Variants in NRG3 observed in about 807,000 individuals in gnomAD.
NRG3 encodes the protein pro-neuregulin-3, membrane-bound isoform.
NRG3 carries 31 observed loss-of-function variants against 66.9 expected under a neutral mutation model. The ratio of observed to expected loss-of-function variants is 0.46; its 90% CI spans 0.35 to 0.63. The LOEUF (loss-of-function observed/expected upper bound fraction) is 0.63. Ranked by LOEUF, NRG3 falls within the 20% of genes least tolerant of loss-of-function variation. The pLI, the probability that NRG3 is intolerant of heterozygous loss-of-function variation, is 0.00. For synonymous variants in NRG3, 393 were observed against 359.4 expected (o/e 1.09, Z -1.06); for missense variants, 910 against 878.9 (o/e 1.04, Z -0.45).
chr10:82,582,838 C>T (rs1179677312), intron 2 of NRG3, among the ~76,000 whole-genome samples: 1 of 152,094 alleles, frequency 6.6e-6, no homozygotes, highest in East Asian at 1.9e-4. Context: ...TTTATTTAAT[C>T]CAAAGTGGAA....
chr10:81,927,830 G>T (rs957200822), intron 1 of NRG3, among the ~76,000 whole-genome samples: 4 of 152,252 alleles, frequency 2.6e-5, no homozygotes, highest in African/African-American at 9.6e-5. Flanking sequence ...GGTCCAGTGT[G>T]CCTCATTATA....
intron 1 of NRG3, chr10:82,229,223 T>G (rs865971870): frequency 2.8e-4 from 43 of 152,194 alleles, no homozygotes; most frequent in African/African-American, 9.9e-4. Context: ...TACCAAGGTA[T>G]TAAAATAATT....
At chr10:81,897,184 T>C (rs1393955184) in intron 1 of NRG3, among the ~76,000 whole-genome samples, 1 of 151,936 alleles carries the variant, frequency 6.6e-6, no homozygotes, top group African/African-American at 2.4e-5. Flanking sequence ...CTGAGCATAA[T>C]AAACATGCTA....
chr10:82,523,790 C>T (rs913217216), intron 2 of NRG3, among the ~76,000 whole-genome samples: 1 of 152,124 alleles, frequency 6.6e-6, no homozygotes, highest in South Asian at 2.1e-4. Flanking sequence ...AAGGACTTCT[C>T]TCACTGAAAG....
intron 1 of NRG3, among the ~76,000 whole-genome samples, chr10:82,078,560 C>T (rs1413498722): frequency 1.3e-5 from 2 of 152,100 alleles, no homozygotes; most frequent in African/African-American, 2.4e-5. Flanking sequence ...CCGTGTTAGC[C>T]AGGATGGTCT....
At chr10:81,975,408 G>C (rs1425584725) in intron 1 of NRG3, among the ~76,000 whole-genome samples, 5 of 151,462 alleles carry the variant, frequency 3.3e-5, no homozygotes, top group African/African-American at 1.2e-4. Flanking sequence ...GGTAATGCAT[G>C]ACATTTATCA....
At position 82,408,046 on chromosome 10, in the gene NRG3, C is replaced by CGAGAGAGA. The variant is rs536927208; in HGVS notation, c.953+49209_953+49216dup. Among the ~76,000 whole-genome samples the CGAGAGAGA allele has an allele frequency of 5.7e-3, 311 of 54,382 alleles. 14 individuals carry two copies. The highest frequency in any genetic ancestry group is 0.014 in the African/African-American group (167 of 11,906). 35.7% of individuals were successfully genotyped at this position (54,382 alleles called of 152,430 possible). ...CCTGTGTGACAGAGCAAGACTACATCGAGAGAGAGAGAGAGAGAGAGAGAG... is the reference window on the plus strand; with the variant it reads ...CCTGTGTGACAGAGCAAGACTACATCGAGAGAGAGAGAGAGAGAGAGAGAGAGAGAGAG... On this transcript the variant is annotated intron_variant, in intron 2 of 8. Coordinates refer to ENST00000372141, the MANE Select transcript of NRG3 (RefSeq NM_001010848.4).
At chr10:82,894,689 T>C (rs1843479672) in intron 4 of NRG3, among the ~76,000 whole-genome samples, 2 of 152,172 alleles carry the variant, frequency 1.3e-5, no homozygotes, top group Admixed American at 1.3e-4. Context: ...ACCCTTACCC[T>C]GAATTGGCAC....
chr10:82,548,042 T>G (rs377451806), intron 2 of NRG3, among the ~76,000 whole-genome samples: 20 of 119,854 alleles, frequency 1.7e-4, no homozygotes, highest in East Asian at 2.5e-4. Flanking sequence ...ATGCCACGTT[T>G]TTTTTTTTTT....
chr10:82,941,757 ATTG>A (rs1289922980), intron 4 of NRG3, among the ~76,000 whole-genome samples: 3 of 152,168 alleles, frequency 2.0e-5, no homozygotes, highest in African/African-American at 4.8e-5. Flanking sequence ...GTTATTGAAT[ATTG>A]TTGTATTATG....
chr10:82,694,502 C>G (rs969836823), intron 2 of NRG3, among the ~76,000 whole-genome samples: 53 of 152,216 alleles, frequency 3.5e-4, no homozygotes, highest in Non-Finnish European at 7.3e-5. Flanking sequence ...CTCCTGTAAT[C>G]CCAGCTCTTT....
At chr10:82,177,731 A>G (rs2073137325) in intron 1 of NRG3, among the ~76,000 whole-genome samples, 1 of 152,156 alleles carries the variant, frequency 6.6e-6, no homozygotes, top group Admixed American at 6.6e-5. Flanking sequence ...GCGCCACCAC[A>G]TCCAGCTAAT....
chr10:82,096,908 C>G (rs1564558099), intron 1 of NRG3, among the ~76,000 whole-genome samples: 1 of 152,012 alleles, frequency 6.6e-6, no homozygotes. Flanking sequence ...AAGATAATGC[C>G]TAGTTAGATT....
intron 1 of NRG3, among the ~76,000 whole-genome samples, chr10:81,938,309 T>C (rs1265327011): frequency 6.6e-6 from 1 of 152,000 alleles, no homozygotes; most frequent in Non-Finnish European, 1.5e-5. Context: ...CAGATCTCTT[T>C]GGGTAGTATA....
intron 2 of NRG3, among the ~76,000 whole-genome samples, chr10:82,523,865 T>G (rs563808469): frequency 2.0e-5 from 3 of 152,280 alleles, no homozygotes; most frequent in Non-Finnish European, 4.4e-5. Flanking sequence ...TAAGTTTATT[T>G]ATTTTCCTGA....
At chr10:82,225,220 T>C (rs775187080) in intron 1 of NRG3, among the ~76,000 whole-genome samples, 1 of 152,152 alleles carries the variant, frequency 6.6e-6, no homozygotes. Context: ...AAATTACAAG[T>C]TCTAACTACG....
chr10:82,647,627 TAA>T (rs1176800786), intron 2 of NRG3, among the ~76,000 whole-genome samples: 2 of 151,280 alleles, frequency 1.3e-5, no homozygotes, highest in Non-Finnish European at 3.0e-5. Flanking sequence ...ACCAACAGTG[TAA>T]AAGTGTTCCT....
At chr10:82,438,742 G>A (rs754213031) in intron 2 of NRG3, among the ~76,000 whole-genome samples, 1 of 152,102 alleles carries the variant, frequency 6.6e-6, no homozygotes, top group Admixed American at 6.5e-5. Context: ...TGAGTAGCAC[G>A]CTCACTCACC....
chr10:82,742,020 C>T (rs1207607666), intron 3 of NRG3, among the ~76,000 whole-genome samples: 1 of 152,108 alleles, frequency 6.6e-6, no homozygotes, highest in Non-Finnish European at 1.5e-5. Context: ...TTCAGAATGA[C>T]TGTATGCTCA....
Sources: allele counts gnomAD v4.1 joint callset (sites outside exome capture counted in the v4.1 genomes callset), GRCh38; gene constraint gnomAD v4.1.1; transcripts MANE v1.5; gene names NCBI Gene and HGNC (gene_info 2026-07-23, HGNC 2026-07-21).